Variants in GALNT13 observed in about 807,000 individuals in gnomAD.
GALNT13 encodes UDP-GalNAc:polypeptide N-acetylgalactosaminyltransferase 13.
In GALNT13, 28 loss-of-function variants were observed where a neutral mutation model predicts 64.2. The observed-to-expected ratio is 0.44, with a 90% CI of 0.32 to 0.60. The LOEUF (loss-of-function observed/expected upper bound fraction) is 0.60, where lower values mean the gene tolerates loss of function less well. GALNT13 is among the 20% of genes least tolerant of loss of function. The pLI is 0.05. For synonymous variants in GALNT13, 214 were observed against 224.6 expected, an observed-to-expected ratio of 0.95 and a Z score of 0.42; for missense variants, 577 against 669.8, an observed-to-expected ratio of 0.86 and a Z score of 1.53.
At chr2:154,023,427 T>A (rs1697689209) in intron 3 of GALNT13, among the ~76,000 whole-genome samples, 1 of 152,382 alleles carries the variant, frequency 6.6e-6, no homozygotes, top group African/African-American at 2.4e-5. Context: ...CTTGTTGAAT[T>A]GATCCCTTTA....
At chr2:154,448,561 T>A (rs1701712622) in intron 12 of GALNT13, among the ~76,000 whole-genome samples, 1 of 152,082 alleles carries the variant, frequency 6.6e-6, no homozygotes, top group Non-Finnish European at 1.5e-5. Flanking sequence ...AAGTATTTAG[T>A]TGTTTGTCTC....
At chr2:153,113,867 G>C in the GALNT13 span, among the ~76,000 whole-genome samples, 1 of 152,004 alleles carries the variant, frequency 6.6e-6, no homozygotes. Flanking sequence ...GGCCACTTTG[G>C]TGTTAGAAAC....
chr2:153,834,787 A>G, the GALNT13 span, among the ~76,000 whole-genome samples: 4 of 152,156 alleles, frequency 2.6e-5, no homozygotes, highest in Non-Finnish European at 4.4e-5. Context: ...TATAACATGT[A>G]TAATGGGAGG....
At chr2:153,707,118 C>T in the GALNT13 span, among the ~76,000 whole-genome samples, 3 of 152,174 alleles carry the variant, frequency 2.0e-5, no homozygotes, top group Admixed American at 6.5e-5. Context: ...TTGCCTTCCA[C>T]CATGATTGTG....
the GALNT13 span, among the ~76,000 whole-genome samples, chr2:153,844,648 T>C: frequency 6.6e-6 from 1 of 152,226 alleles, no homozygotes; most frequent in Admixed American, 6.5e-5. Flanking sequence ...AAAAAGCTTT[T>C]TCTTTCTTTG....
chr2:153,620,916 C>T, the GALNT13 span, among the ~76,000 whole-genome samples: 1 of 151,894 alleles, frequency 6.6e-6, no homozygotes, highest in Non-Finnish European at 1.5e-5. Context: ...GGAAGACTTT[C>T]CAGATATTTG....
chr2:154,241,124 C>A (rs191991314), intron 4 of GALNT13, among the ~76,000 whole-genome samples: 4 of 152,294 alleles, frequency 2.6e-5, no homozygotes, highest in African/African-American at 9.6e-5. Flanking sequence ...TCTTCTCGGG[C>A]AGATCTGCTC....
the GALNT13 span, among the ~76,000 whole-genome samples, chr2:153,803,571 A>G: frequency 6.6e-6 from 1 of 151,846 alleles, no homozygotes; most frequent in Non-Finnish European, 1.5e-5. Flanking sequence ...GGGCGCCTGT[A>G]GTCCCAGCTA....
chr2:153,525,550 G>A, the GALNT13 span, among the ~76,000 whole-genome samples: 1 of 152,114 alleles, frequency 6.6e-6, no homozygotes, highest in Non-Finnish European at 1.5e-5. Context: ...ATCAGTGGTG[G>A]GATTTGATTT....
the GALNT13 span, among the ~76,000 whole-genome samples, chr2:153,211,568 A>G: frequency 1.3e-5 from 2 of 152,236 alleles, no homozygotes; most frequent in Non-Finnish European, 2.9e-5. Context: ...CGGGAACAGT[A>G]GAAGCTAACA....
At chr2:154,169,186 T>C (rs551821010) in intron 4 of GALNT13, among the ~76,000 whole-genome samples, 4 of 152,216 alleles carry the variant, frequency 2.6e-5, no homozygotes, top group African/African-American at 9.6e-5. Context: ...CCATTAGGCC[T>C]ACCTCCAACC....
chr2:153,334,508 C>G, the GALNT13 span, among the ~76,000 whole-genome samples: 1 of 152,098 alleles, frequency 6.6e-6, no homozygotes, highest in East Asian at 1.9e-4. Context: ...TTGATTGCTT[C>G]TACTGCAGCA....
intron 3 of GALNT13, among the ~76,000 whole-genome samples, chr2:154,024,830 A>G (rs1274625547): frequency 1.3e-5 from 2 of 151,548 alleles, no homozygotes; most frequent in African/African-American, 4.9e-5. Flanking sequence ...GGTTTTATCT[A>G]CCTTTGGTCT....
the GALNT13 span, among the ~76,000 whole-genome samples, chr2:153,097,121 G>T: frequency 6.6e-6 from 1 of 151,990 alleles, no homozygotes; most frequent in Non-Finnish European, 1.5e-5. Context: ...AAACTGTTTG[G>T]ATAAACAAGC....
At chr2:153,909,776 G>A (rs774447740) in intron 2 of GALNT13, among the ~76,000 whole-genome samples, 42 of 152,114 alleles carry the variant, frequency 2.8e-4, no homozygotes, top group Non-Finnish European at 1.6e-4. Flanking sequence ...CAGGGATAAA[G>A]CCTACTTGAT....
chr2:154,139,652 A>ACC (rs1553483562), intron 3 of GALNT13, among the ~76,000 whole-genome samples: 2 of 148,870 alleles, frequency 1.3e-5, no homozygotes, highest in Non-Finnish European at 3.0e-5. Flanking sequence ...ACACACACAC[A>ACC]CCCCTTGAAA....
intron 8 of GALNT13, among the ~76,000 whole-genome samples, chr2:154,291,919 C>T (rs1311969628): frequency 6.6e-6 from 1 of 152,220 alleles, no homozygotes; most frequent in Non-Finnish European, 1.5e-5. Context: ...TTCTGATGCC[C>T]TCTCCCTGTG....
chr2:154,343,790 G>C (rs1470140342), intron 9 of GALNT13, among the ~76,000 whole-genome samples: 1 of 151,994 alleles, frequency 6.6e-6, no homozygotes, highest in Non-Finnish European at 1.5e-5. Context: ...GATTTTGGTT[G>C]AATGAAATGA....
chr2:153,432,968 AAC>A, the GALNT13 span, among the ~76,000 whole-genome samples: 2 of 151,994 alleles, frequency 1.3e-5, no homozygotes, highest in African/African-American at 2.4e-5. Flanking sequence ...TTGGGGGCTA[AAC>A]ACACATAACA....
Sources: gnomAD v4.1 joint callset for allele counts (sites outside exome capture counted in the v4.1 genomes callset) on GRCh38, gnomAD v4.1.1 for gene constraint, MANE v1.5 for transcripts, NCBI Gene and HGNC (gene_info 2026-07-23, HGNC 2026-07-21) for gene names.